The following INPP5A variants were observed in gnomAD, a reference collection of about 807,000 sequenced individuals.
INPP5A encodes the protein 43 kDa inositol polyphosphate 5-phophatase.
Under a neutral mutation model 65.2 loss-of-function variants are expected in INPP5A, and 14 were observed. That is an observed-to-expected ratio of 0.21 (90% CI 0.14 to 0.34). The LOEUF is 0.34. INPP5A is among the 10% of genes least tolerant of loss of function. The pLI, the probability that INPP5A is intolerant of heterozygous loss-of-function variation, is 1.00. For synonymous variants in INPP5A, 207 were observed against 208.3 expected, an observed-to-expected ratio of 0.99 and a Z score of 0.05; for missense variants, 431 against 545.6, an observed-to-expected ratio of 0.79 and a Z score of 2.09.
intron 13 of INPP5A, among the ~76,000 whole-genome samples, chr10:132,778,746 C>CAGGAGCCCCCTACT (rs1316392168): frequency 6.6e-6 from 1 of 152,078 alleles, no homozygotes; most frequent in East Asian, 1.9e-4. Flanking sequence ...AGAGCAGGGA[C>CAGGAGCCCCCTACT]AGGAGCCCCC....
chr10:132,661,285 T>C (rs969084256), intron 4 of INPP5A, among the ~76,000 whole-genome samples: 7 of 152,328 alleles, frequency 4.6e-5, no homozygotes, highest in African/African-American at 1.4e-4. Context: ...CAAAATGAAG[T>C]GCTTTCATGA....
At chr10:132,552,506 A>G (rs1241406906) in intron 1 of INPP5A, among the ~76,000 whole-genome samples, 2 of 135,748 alleles carry the variant, frequency 1.5e-5, no homozygotes, top group South Asian at 2.6e-4. Context: ...TGAGTGGGAT[A>G]GGGAGGGAGG....
In INPP5A at chr10:132,645,976, T is replaced by C. The variant is rs769631811; in HGVS notation, c.218+8T>C. ...CGTGGACAAGTTCGTCAAGTAAGTC[T>C]AGGGGCAGGTGCTGGTGCATGTCCA... On this transcript the variant is annotated splice_region_variant and intron_variant, in intron 3 of 15. Transcript: ENST00000368594. The C allele has an allele frequency of 2.9e-5, 46 of 1,596,062 alleles. No homozygotes were observed. In the Middle Eastern group the frequency reaches 2.1e-3, roughly 74 times the overall value.
intron 2 of INPP5A, among the ~76,000 whole-genome samples, chr10:132,611,168 A>C (rs2071942014): frequency 7.0e-6 from 1 of 143,160 alleles, no homozygotes. Flanking sequence ...AGTTCATGGG[A>C]GAGGCCCTGT....
intron 1 of INPP5A, among the ~76,000 whole-genome samples, chr10:132,565,304 G>A (rs1297196944): frequency 6.6e-6 from 1 of 152,160 alleles, no homozygotes; most frequent in Non-Finnish European, 1.5e-5. Context: ...AACAACTCAA[G>A]GAATAAGCCA....
chr10:132,609,677 C>G (rs1239991333), intron 2 of INPP5A, among the ~76,000 whole-genome samples: 1 of 152,222 alleles, frequency 6.6e-6, no homozygotes, highest in African/African-American at 2.4e-5. Flanking sequence ...CGGAGTCTCA[C>G]TCTGTCACCC....
chr10:132,687,800 C>T (rs1001510885), intron 4 of INPP5A, among the ~76,000 whole-genome samples: 2 of 152,240 alleles, frequency 1.3e-5, no homozygotes, highest in African/African-American at 4.8e-5. Context: ...GCACGTGTCC[C>T]TGCTCCTGCC....
At chr10:132,582,212 G>C (rs2071492981) in intron 1 of INPP5A, among the ~76,000 whole-genome samples, 1 of 152,080 alleles carries the variant, frequency 6.6e-6, no homozygotes, top group Admixed American at 6.6e-5. Flanking sequence ...GCTTTCTGAG[G>C]CAGAATATAT....
At chr10:132,572,840 C>T (rs2071363259) in intron 1 of INPP5A, among the ~76,000 whole-genome samples, 1 of 152,226 alleles carries the variant, frequency 6.6e-6, no homozygotes, top group Non-Finnish European at 1.5e-5. Flanking sequence ...CTGCTGATTG[C>T]TGAAATGCAA....
intron 12 of INPP5A, among the ~76,000 whole-genome samples, chr10:132,768,507 C>T (rs1028990775): frequency 3.3e-5 from 5 of 152,398 alleles, no homozygotes; most frequent in Admixed American, 3.3e-4. Flanking sequence ...GCTGCGTCTG[C>T]CCTGGCGGGG....
intron 1 of INPP5A, among the ~76,000 whole-genome samples, chr10:132,583,328 T>TA (rs1564924141): frequency 6.6e-6 from 1 of 152,238 alleles, no homozygotes; most frequent in Admixed American, 6.5e-5. Context: ...GTGACAGTTG[T>TA]AAACAGTTGG....
chr10:132,653,948 C>T (rs1275792731), intron 4 of INPP5A, among the ~76,000 whole-genome samples: 1 of 152,250 alleles, frequency 6.6e-6, no homozygotes, highest in East Asian at 1.9e-4. Flanking sequence ...CCGACAGTGA[C>T]GTGGGCCTGG....
intron 8 of INPP5A, among the ~76,000 whole-genome samples, chr10:132,720,947 G>A (rs1590955583): frequency 6.6e-6 from 1 of 151,276 alleles, no homozygotes; most frequent in East Asian, 2.0e-4. Flanking sequence ...TTCTGTCTGG[G>A]CGCCTTAGAC....
chr10:132,649,228 G>A (rs749458596), intron 3 of INPP5A, among the ~76,000 whole-genome samples: 4 of 152,176 alleles, frequency 2.6e-5, no homozygotes, highest in Non-Finnish European at 4.4e-5. Context: ...GAAGCCTCAC[G>A]TGTGCTTTCC....
intron 1 of INPP5A, among the ~76,000 whole-genome samples, chr10:132,557,382 C>T (rs2071140879): frequency 6.6e-6 from 1 of 152,258 alleles, no homozygotes; most frequent in African/African-American, 2.4e-5. Context: ...TGGCCTGTGC[C>T]ACACCTGCGC....
chr10:132,578,203 T>C (rs1156713189), intron 1 of INPP5A, among the ~76,000 whole-genome samples: 1 of 152,218 alleles, frequency 6.6e-6, no homozygotes, highest in African/African-American at 2.4e-5. Context: ...ATGAACCCTC[T>C]CCTTTTTTGT....
chr10:132,711,118 TG>T (rs1354134952), intron 8 of INPP5A, among the ~76,000 whole-genome samples: 3 of 152,182 alleles, frequency 2.0e-5, no homozygotes, highest in African/African-American at 7.2e-5. Flanking sequence ...AACGGTGCCA[TG>T]GGGTGCTGTG....
At chr10:132,636,958 G>T (rs1010346942) in intron 2 of INPP5A, among the ~76,000 whole-genome samples, 1 of 151,698 alleles carries the variant, frequency 6.6e-6, no homozygotes, top group Admixed American at 6.6e-5. Flanking sequence ...TCGCTCTGTC[G>T]CCAGGCTGGA....
intron 7 of INPP5A, 34 bp downstream of exon 7, chr10:132,708,399 A>G (rs1845574090): frequency 4.4e-6 from 7 of 1,596,492 alleles, no homozygotes; most frequent in South Asian, 3.3e-5. Flanking sequence ...AATTTCCATA[A>G]CGTTTCTTAC....
Sources: allele counts gnomAD v4.1 joint callset (sites outside exome capture counted in the v4.1 genomes callset), GRCh38; gene constraint gnomAD v4.1.1; transcripts MANE v1.5; gene names NCBI Gene and HGNC (gene_info 2026-07-23, HGNC 2026-07-21).